The following PGM5 variants were observed in gnomAD, a reference collection of about 807,000 sequenced individuals.
PGM5 encodes the protein phosphoglucomutase-like protein 5.
PGM5 carries 23 observed loss-of-function variants against 59.2 expected under a neutral mutation model. That is an observed-to-expected ratio of 0.39 (90% confidence interval 0.28 to 0.55). PGM5 has a LOEUF of 0.55. PGM5 is among the 20% of genes least tolerant of loss of function. The pLI is 0.66. For missense variants in PGM5, 574 were observed against 748.3 expected, an observed-to-expected ratio of 0.77 and a Z score of 2.72; for synonymous variants, 214 against 286.0, an observed-to-expected ratio of 0.75 and a Z score of 2.54.
intron 6 of PGM5, among the ~76,000 whole-genome samples, chr9:68,418,074 T>C (rs1823065438): frequency 6.6e-6 from 1 of 152,214 alleles, no homozygotes; most frequent in Non-Finnish European, 1.5e-5. Context: ...CTGAGCTGCT[T>C]TGGGGGCCAC....
intron 9 of PGM5, among the ~76,000 whole-genome samples, chr9:68,486,815 G>T (rs547070928): frequency 1.6e-4 from 24 of 152,226 alleles, no homozygotes; most frequent in African/African-American, 5.1e-4. Context: ...GGGTCAAATG[G>T]TATCTCTATG....
chr9:68,511,059 A>G (rs1467723075), intron 10 of PGM5, among the ~76,000 whole-genome samples: 1 of 152,242 alleles, frequency 6.6e-6, no homozygotes, highest in Admixed American at 6.5e-5. Flanking sequence ...AATGTCTCTT[A>G]TTAGACCTCA....
chr9:68,486,981 C>A (rs1824306324), intron 9 of PGM5, among the ~76,000 whole-genome samples: 1 of 152,124 alleles, frequency 6.6e-6, no homozygotes, highest in South Asian at 2.1e-4. Flanking sequence ...TTTAAAACAA[C>A]CTACTATATT....
intron 6 of PGM5, among the ~76,000 whole-genome samples, chr9:68,408,979 G>C (rs868908213): frequency 1.5e-4 from 22 of 149,876 alleles, no homozygotes; most frequent in South Asian, 4.3e-4. Context: ...GTTACTGTAG[G>C]CTTGTAGTAT....
rs1454436642 is a variant in PGM5 at position 68,486,696 on chromosome 9, G to C, written c.1479+2648G>C. 3.3e-5 allele frequency among the ~76,000 whole-genome samples: 5 copies of C among 152,260 alleles called. No individual in the cohort carries two copies. The East Asian group carries it at 9.6e-4, about 29-fold the overall frequency. ...CATCCATTTGCTGTTGGATGTGTGA[G>C]GTATTTCCACTTTTTGACTATAATG... On this transcript the variant is annotated intron_variant, in intron 9 of 10. Transcript: ENST00000396396.
At chr9:68,514,408 C>T (rs1224466406) in intron 10 of PGM5, among the ~76,000 whole-genome samples, 1 of 152,058 alleles carries the variant, frequency 6.6e-6, no homozygotes, top group African/African-American at 2.4e-5. Context: ...TCGAGACCAG[C>T]CTGGCCAACA....
At chr9:68,471,971 A>T (rs1824026897) in intron 7 of PGM5, among the ~76,000 whole-genome samples, 1 of 62,410 alleles carries the variant, frequency 1.6e-5, no homozygotes, top group Non-Finnish European at 3.4e-5. Context: ...CCTTGGTGAC[A>T]AAAAAAAAAA....
At chr9:68,381,598 G>A (rs1356459326) in intron 2 of PGM5, among the ~76,000 whole-genome samples, 1 of 151,150 alleles carries the variant, frequency 6.6e-6, no homozygotes, top group Admixed American at 6.6e-5. Context: ...ATTTACAGAT[G>A]ATATGATCCT....
chr9:68,415,363 G>A (rs1823007091), intron 6 of PGM5, among the ~76,000 whole-genome samples: 1 of 149,248 alleles, frequency 6.7e-6, no homozygotes, highest in Non-Finnish European at 1.5e-5. Flanking sequence ...GCCAAAGGCT[G>A]GCAGGATCCA....
intron 6 of PGM5, among the ~76,000 whole-genome samples, chr9:68,417,419 GC>G: frequency 6.7e-6 from 1 of 149,440 alleles, no homozygotes; most frequent in East Asian, 1.9e-4. Flanking sequence ...CTTCCCCTGG[GC>G]CCGGGGGACG....
chr9:68,376,201 G>A (rs1821877530), intron 1 of PGM5, among the ~76,000 whole-genome samples: 1 of 152,116 alleles, frequency 6.6e-6, no homozygotes, highest in Non-Finnish European at 1.5e-5. Context: ...ATGCAATCAG[G>A]TCACTTCCAC....
chr9:68,484,743 A>G (rs929043183), intron 9 of PGM5, among the ~76,000 whole-genome samples: 1 of 152,134 alleles, frequency 6.6e-6, no homozygotes, highest in Non-Finnish European at 1.5e-5. Flanking sequence ...TGTGGTGGCC[A>G]TTATTGGTGA....
At chr9:68,424,111 G>A (rs1219430021) in intron 6 of PGM5, among the ~76,000 whole-genome samples, 2 of 152,158 alleles carry the variant, frequency 1.3e-5, no homozygotes, top group Admixed American at 1.3e-4. Context: ...GAACGAGGAA[G>A]GTAAAGCATC....
intron 2 of PGM5, among the ~76,000 whole-genome samples, chr9:68,380,100 A>G (rs532381878): frequency 6.6e-6 from 1 of 151,744 alleles, no homozygotes; most frequent in African/African-American, 2.4e-5. Context: ...TTCAGACCAA[A>G]TGGACCTACC....
In PGM5 at chr9:68,499,229, C is replaced by A. The variant is rs1554688408; in HGVS notation, c.1482C>A (p.Gly494=). The stretch of plus-strand genomic sequence containing the variant: ...ATTCTGGATGTTCTTGGTCTCAGGG[C>A]CTAAGGATCATTTTCTCGGATGCAT... The part of the protein sequence containing the change: ...PVDGTVTKKQ[G]LRIIFSDASR... Residue 494 remains glycine, a splice_region_variant and synonymous_variant, in exon 10 of 11, where the codon GGC becomes GGA. Transcript: ENST00000396396. 1.2e-6 allele frequency: 2 copies of A among 1,614,130 alleles called. No homozygotes were observed. Among genetic ancestry groups the A allele is most frequent in the East Asian group, 4.5e-5 (2 of 44,880 alleles).
intron 6 of PGM5, among the ~76,000 whole-genome samples, chr9:68,427,772 TA>T (rs1823262620): frequency 6.6e-6 from 1 of 152,174 alleles, no homozygotes; most frequent in African/African-American, 2.4e-5. Flanking sequence ...GTAATTTACT[TA>T]AGGCTGGATG....
rs1486996029 is a variant in PGM5, at chr9:68,397,673, G to A, written c.1043+5200G>A. ...CGGAAGACAAAGAATAACAAGTAAG[G>A]GAAACATACAGAAACACAAATTGTA... On this transcript the variant is annotated intron_variant, in intron 6 of 10. Transcript: ENST00000396396. 4.6e-5 allele frequency: 7 copies of A among 152,184 alleles called. No homozygotes were observed. In the East Asian group the frequency reaches 1.3e-3, roughly 29 times the overall value. The allele number at this position is 152,184 out of a possible 1,614,324, so 9.4% of individuals were successfully genotyped here.
intron 6 of PGM5, among the ~76,000 whole-genome samples, chr9:68,404,369 T>C (rs1554680934): frequency 1.3e-5 from 2 of 152,208 alleles, no homozygotes; most frequent in African/African-American, 4.8e-5. Context: ...CCTCAAGTGA[T>C]CCACCCACCT....
At chr9:68,525,740 A>C (rs966411681) in intron 10 of PGM5, among the ~76,000 whole-genome samples, 1 of 152,174 alleles carries the variant, frequency 6.6e-6, no homozygotes, top group African/African-American at 2.4e-5. Flanking sequence ...GGGAAGAAAA[A>C]ATATATTAGT....
Sources: gnomAD v4.1 joint callset for allele counts (sites outside exome capture counted in the v4.1 genomes callset) on GRCh38, gnomAD v4.1.1 for gene constraint, MANE v1.5 for transcripts, NCBI Gene and HGNC (gene_info 2026-07-23, HGNC 2026-07-21) for gene names.